The following ANKS1B variants were observed in gnomAD, a reference collection of about 807,000 sequenced individuals.
The protein encoded by ANKS1B is ankyrin repeat and sterile alpha motif domain-containing protein 1B.
A neutral mutation model predicts 148.3 loss-of-function variants in ANKS1B; 36 were observed. The observed-to-expected ratio is 0.24, with a 90% CI of 0.19 to 0.32. ANKS1B has a LOEUF of 0.32. ANKS1B is among the 10% of genes least tolerant of loss of function. ANKS1B has a pLI of 1.00. For missense variants in ANKS1B, 1,157 were observed against 1,542.6 expected (o/e 0.75, Z 4.19); for synonymous variants, 542 against 560.8 (o/e 0.97, Z 0.47).
chr12:98,970,854 A>G (rs1341056471), intron 17 of ANKS1B, among the ~76,000 whole-genome samples: 1 of 152,212 alleles, frequency 6.6e-6, no homozygotes, highest in Non-Finnish European at 1.5e-5. Context: ...AGTACTTTTT[A>G]AAGTCTATGG....
intron 15 of ANKS1B, among the ~76,000 whole-genome samples, chr12:99,153,524 G>A (rs1370484080): frequency 4.6e-5 from 7 of 152,064 alleles, no homozygotes; most frequent in Non-Finnish European, 1.0e-4. Flanking sequence ...CTGAATTGTC[G>A]GTTTGCACAG....
chr12:99,295,854 T>C, intron 12 of ANKS1B, among the ~76,000 whole-genome samples: 1 of 152,186 alleles, frequency 6.6e-6, no homozygotes, highest in Non-Finnish European at 1.5e-5. Context: ...TGAGTACATG[T>C]GGTATTCAGT....
intron 14 of ANKS1B, among the ~76,000 whole-genome samples, chr12:99,194,732 T>G (rs952922641): frequency 1.3e-5 from 2 of 152,168 alleles, no homozygotes; most frequent in African/African-American, 4.8e-5. Context: ...TTCCATTAGG[T>G]ACTGTAATGG....
At chr12:99,700,178 T>C (rs2054581853) in intron 8 of ANKS1B, among the ~76,000 whole-genome samples, 1 of 152,160 alleles carries the variant, frequency 6.6e-6, no homozygotes, top group South Asian at 2.1e-4. Flanking sequence ...TCTCTCCTCC[T>C]AGAGGGATAC....
chr12:99,662,291 C>G (rs7961365), intron 8 of ANKS1B, among the ~76,000 whole-genome samples: 1,660 of 152,160 alleles, frequency 0.011, 28 homozygotes, highest in African/African-American at 0.038. Flanking sequence ...TTCTTATATG[C>G]CTTCACAGTA....
chr12:99,465,782 G>A (rs2096095011), intron 10 of ANKS1B, among the ~76,000 whole-genome samples: 1 of 152,146 alleles, frequency 6.6e-6, no homozygotes, highest in Admixed American at 6.5e-5. Context: ...GGAGCACCCA[G>A]ATTCATAAAG....
At chr12:99,059,487 T>TA (rs1236702363) in intron 16 of ANKS1B, among the ~76,000 whole-genome samples, 1 of 152,182 alleles carries the variant, frequency 6.6e-6, no homozygotes, top group Non-Finnish European at 1.5e-5. Flanking sequence ...CATAACTATT[T>TA]AAAACCTCCA....
chr12:99,088,845 T>TTTTTG (rs2052946636), intron 15 of ANKS1B, among the ~76,000 whole-genome samples: 2 of 136,188 alleles, frequency 1.5e-5, no homozygotes, highest in African/African-American at 2.7e-5. Context: ...TCTGTTTTTT[T>TTTTTG]TTTTTTTTTT....
At chr12:99,592,299 G>A (rs1019429771) in intron 9 of ANKS1B, among the ~76,000 whole-genome samples, 10 of 151,896 alleles carry the variant, frequency 6.6e-5, no homozygotes, top group Non-Finnish European at 1.0e-4. Flanking sequence ...TTCACAGAAC[G>A]GAAGGACAGT....
intron 9 of ANKS1B, among the ~76,000 whole-genome samples, chr12:99,585,761 G>C (rs1220242722): frequency 1.3e-5 from 2 of 152,112 alleles, no homozygotes; most frequent in Non-Finnish European, 2.9e-5. Context: ...CCAATGCTTG[G>C]GGCTTGCATC....
At chr12:99,809,126 C>T (rs1215601137) in intron 3 of ANKS1B, among the ~76,000 whole-genome samples, 2 of 151,964 alleles carry the variant, frequency 1.3e-5, no homozygotes, top group Non-Finnish European at 2.9e-5. Context: ...TTAATAATTC[C>T]TAGTATGGCT....
chr12:99,847,224 T>G (rs1409571582), intron 1 of ANKS1B, among the ~76,000 whole-genome samples: 2 of 151,742 alleles, frequency 1.3e-5, no homozygotes, highest in East Asian at 3.9e-4. Flanking sequence ...TCCCACCTCA[T>G]CCTCCTGAGT....
chr12:98,941,894 A>G (rs2153021053), intron 17 of ANKS1B, among the ~76,000 whole-genome samples: 1 of 152,286 alleles, frequency 6.6e-6, no homozygotes, highest in South Asian at 2.1e-4. Flanking sequence ...TTTAAACGTA[A>G]ACAGCCAAAA....
At chr12:99,095,774 A>G (rs982273489) in intron 15 of ANKS1B, among the ~76,000 whole-genome samples, 6 of 152,190 alleles carry the variant, frequency 3.9e-5, no homozygotes, top group African/African-American at 1.4e-4. Context: ...GATACTAGGA[A>G]GAATGAAAGT....
At position 99,014,826 on chromosome 12, in the gene ANKS1B, A is replaced by G. The variant is rs564957689; in HGVS notation, c.2778+38331T>C. Among the ~76,000 whole-genome samples, 3 of 152,342 alleles carry G rather than the reference A, an allele frequency of 2.0e-5. No homozygotes were observed. The East Asian group carries it at 5.8e-4, about 29-fold the overall frequency. ...CAAATCAAAGCCACAATAAGATACC[A>G]TCTTACACCAGTCTGACTCTTACTA... On this transcript the variant is annotated intron_variant, in intron 17 of 26. Transcript: ENST00000683438.
intron 12 of ANKS1B, among the ~76,000 whole-genome samples, chr12:99,258,956 A>G (rs997404327): frequency 6.6e-6 from 1 of 152,234 alleles, no homozygotes. Flanking sequence ...TGTGCCTTCT[A>G]TGTCCAAGGT....
chr12:99,101,013 C>A (rs2057794286), intron 15 of ANKS1B, among the ~76,000 whole-genome samples: 1 of 152,148 alleles, frequency 6.6e-6, no homozygotes, highest in Admixed American at 6.5e-5. Flanking sequence ...AGAGAGAAGG[C>A]ACTGCGTGGA....
chr12:99,726,265 G>T (rs2058607091), intron 8 of ANKS1B, among the ~76,000 whole-genome samples: 1 of 151,900 alleles, frequency 6.6e-6, no homozygotes, highest in African/African-American at 2.4e-5. Context: ...GAAGAAAAAA[G>T]AATCAAATAG....
At chr12:98,834,714 A>T (rs999678338) in intron 17 of ANKS1B, among the ~76,000 whole-genome samples, 6 of 152,156 alleles carry the variant, frequency 3.9e-5, no homozygotes, top group African/African-American at 1.4e-4. Flanking sequence ...TTCCTTTCAG[A>T]TGATTTATAA....
Sources: allele counts gnomAD v4.1 joint callset (sites outside exome capture counted in the v4.1 genomes callset), GRCh38; gene constraint gnomAD v4.1.1; transcripts MANE v1.5; gene names NCBI Gene and HGNC (gene_info 2026-07-23, HGNC 2026-07-21).